Variants in PCDH11Y observed in about 807,000 individuals in gnomAD.
The protein encoded by PCDH11Y is protocadherin 11 Y-linked.
For missense variants in PCDH11Y, 12 were observed against 224.8 expected (o/e 0.05, Z 6.05); for synonymous variants, 9 against 83.6 (o/e 0.11, Z 4.87).
chrY:5,325,858 T>C, intron 2 of PCDH11Y, among the ~76,000 whole-genome samples: 3 of 33,065 alleles, frequency 9.1e-5, no homozygotes, highest in Non-Finnish European at 2.2e-4. Context: ...TGGGGCCTAA[T>C]AAAAAGGAGC....
At chrY:5,101,332 A>G in exon 2 of PCDH11Y, 3 of 154,113 alleles carry the variant, frequency 1.9e-5, no homozygotes, top group Non-Finnish European at 2.5e-5. Context: ...ACTCATTCTC[A>G]TCTTTAAGCC....
At chrY:5,486,752 T>TA (rs2053333476) in intron 2 of PCDH11Y, among the ~76,000 whole-genome samples, 13 of 8,476 alleles carry the variant, frequency 1.5e-3, no homozygotes, top group Non-Finnish European at 2.2e-3. Flanking sequence ...TATATATATA[T>TA]TTTTTTTTTT....
intron 2 of PCDH11Y, among the ~76,000 whole-genome samples, chrY:5,198,742 C>A: frequency 3.1e-5 from 1 of 32,482 alleles, no homozygotes; most frequent in Non-Finnish European, 7.5e-5. Flanking sequence ...ATTATCTATA[C>A]ATGATTTACT....
Position 5,312,136 on chromosome Y carries a change from C to T in PCDH11Y, c.3130-188921C>T, listed in dbSNP as rs2053101528. Among the ~76,000 whole-genome samples, 12 of 32,943 alleles carry T rather than the reference C, an allele frequency of 3.6e-4. No homozygotes were observed. The South Asian group carries it at 6.9e-3, about 19-fold the overall frequency. 88.4% of individuals were successfully genotyped at this position (32,943 alleles called of 37,273 possible). A position where few individuals can be genotyped will look rare whatever the true frequency, so the allele number is the denominator to read the frequency against. On this transcript the variant is annotated intron_variant, in intron 2 of 4. Coordinates refer to the PCDH11Y transcript ENST00000400457. ...AATATACAAGAACAGATTGAGAGAG[C>T]GATATCTCCGAAACAGTGCTGGATG...
At chrY:5,185,148 C>G in intron 2 of PCDH11Y, among the ~76,000 whole-genome samples, 1 of 32,274 alleles carries the variant, frequency 3.1e-5, no homozygotes, top group Admixed American at 2.9e-4. Context: ...GGCGCAATCT[C>G]AGCTCACTAC....
intron 1 of PCDH11Y, among the ~76,000 whole-genome samples, chrY:5,097,816 A>G (rs2052756053): frequency 3.0e-5 from 1 of 33,161 alleles, no homozygotes; most frequent in Non-Finnish European, 7.4e-5. Context: ...ATAAAAAATT[A>G]ATTAATTAAA....
rs1602837105 is a variant in PCDH11Y at position 5,016,682 on chromosome Y, A to G, written c.-133-15224A>G. 3.0e-4 allele frequency among the ~76,000 whole-genome samples: 10 copies of G among 32,800 alleles called. No individual in the cohort carries two copies. In the East Asian group the frequency reaches 7.9e-3, roughly 26 times the overall value. The allele number at this position is 32,800 out of a possible 37,273, so 88.0% of individuals were successfully genotyped here. A position where few individuals can be genotyped will look rare whatever the true frequency, so the allele number is the denominator to read the frequency against. On this transcript the variant is annotated intron_variant, in intron 1 of 5. Transcript: ENST00000333703. Reference sequence around the variant, plus strand: ...GTTTTATGCTACAATTTAAACTTTAAATTTTACGGAAATATCACTATAATA... The same window carrying G: ...GTTTTATGCTACAATTTAAACTTTAGATTTTACGGAAATATCACTATAATA...
intron 2 of PCDH11Y, among the ~76,000 whole-genome samples, chrY:5,430,456 C>T: frequency 3.0e-5 from 1 of 33,524 alleles, no homozygotes; most frequent in African/African-American, 1.2e-4. Context: ...AGTATAAAAT[C>T]GCATAAGATG....
chrY:5,339,997 T>C (rs2053143338), intron 2 of PCDH11Y, among the ~76,000 whole-genome samples: 1 of 32,251 alleles, frequency 3.1e-5, no homozygotes, highest in Non-Finnish European at 7.5e-5. Flanking sequence ...TATATGTATA[T>C]ATTAAAGGGA....
At chrY:5,359,559 C>G (rs2124671667) in intron 2 of PCDH11Y, among the ~76,000 whole-genome samples, 25 of 32,139 alleles carry the variant, frequency 7.8e-4, no homozygotes, top group African/African-American at 3.0e-3. Flanking sequence ...CAGTAGGACT[C>G]AGTCTCATTT....
chrY:5,360,348 T>A, intron 2 of PCDH11Y, among the ~76,000 whole-genome samples: 1 of 31,045 alleles, frequency 3.2e-5, no homozygotes, highest in Non-Finnish European at 7.7e-5. Flanking sequence ...TGTGTGTGTG[T>A]GTGTGTGTGT....
At chrY:5,324,991 C>T (rs2053117240) in intron 2 of PCDH11Y, among the ~76,000 whole-genome samples, 1 of 30,498 alleles carries the variant, frequency 3.3e-5, no homozygotes, top group African/African-American at 1.3e-4. Context: ...GTGGGGGTTG[C>T]GAGGTGCTCA....
chrY:5,007,032 C>T, intron 1 of PCDH11Y, among the ~76,000 whole-genome samples: 2 of 33,414 alleles, frequency 6.0e-5, no homozygotes, highest in African/African-American at 2.3e-4. Context: ...TCAAACAGCA[C>T]CAAAACGTGG....
intron 2 of PCDH11Y, among the ~76,000 whole-genome samples, chrY:5,227,121 C>T (rs2052961724): frequency 9.6e-4 from 31 of 32,159 alleles, no homozygotes; most frequent in Admixed American, 3.2e-3. Context: ...TTTATTTCAT[C>T]GATGTTTCAT....
intron 3 of PCDH11Y, among the ~76,000 whole-genome samples, chrY:5,535,390 C>A: frequency 3.2e-5 from 1 of 31,685 alleles, no homozygotes; most frequent in African/African-American, 1.2e-4. Context: ...TCACTCCCCT[C>A]CCACCCTTTC....
At chrY:5,135,265 C>T in intron 2 of PCDH11Y, among the ~76,000 whole-genome samples, 5 of 32,795 alleles carry the variant, frequency 1.5e-4, no homozygotes, top group Admixed American at 8.4e-4. Context: ...TGGCTGGGCA[C>T]ACATTTTCTT....
intron 3 of PCDH11Y, among the ~76,000 whole-genome samples, chrY:5,042,551 C>T: frequency 7.1e-5 from 2 of 28,104 alleles, no homozygotes; most frequent in African/African-American, 2.8e-4. Context: ...TGTGATGCCT[C>T]CAGCTTTGTT....
chrY:5,689,515 T>A, intron 4 of PCDH11Y, among the ~76,000 whole-genome samples: 9 of 33,749 alleles, frequency 2.7e-4, no homozygotes, highest in Admixed American at 2.5e-3. Context: ...AATCCATATT[T>A]TATGAAATAC....
chrY:5,215,567 G>A, intron 2 of PCDH11Y, among the ~76,000 whole-genome samples: 1 of 29,228 alleles, frequency 3.4e-5, no homozygotes, highest in Admixed American at 3.3e-4. Flanking sequence ...GAAAGGGGGA[G>A]TTGCTTGTCA....
Sources: allele counts gnomAD v4.1 joint callset (sites outside exome capture counted in the v4.1 genomes callset), GRCh38; gene constraint gnomAD v4.1.1; transcripts MANE v1.5; gene names NCBI Gene and HGNC (gene_info 2026-07-23, HGNC 2026-07-21).